The following XIRP2 variants were observed in gnomAD, a reference collection of about 807,000 sequenced individuals.
XIRP2 encodes xin actin-binding repeat-containing protein 2.
In XIRP2, 236 loss-of-function variants were observed where a neutral mutation model predicts 277.0. That is an observed-to-expected ratio of 0.85 (90% CI 0.77 to 0.95). The LOEUF (loss-of-function observed/expected upper bound fraction) is 0.95, where lower values mean the gene tolerates loss of function less well. XIRP2 is among the 40% of genes least tolerant of loss of function. The probability of loss-of-function intolerance (pLI) is 0.00; values close to 1 mark genes in which losing one functional copy is unlikely to be tolerated. For synonymous variants in XIRP2, 1,490 were observed against 1,416.5 expected (o/e 1.05, Z -1.17); for missense variants, 4,640 against 4,157.5 (o/e 1.12, Z -3.19).
rs771303910 is a variant in XIRP2, at chr2:167,243,495, A to G, written c.2103A>G (p.Leu701=). The G allele has an allele frequency of 1.2e-6, 2 of 1,614,102 alleles. No homozygotes were observed. Among genetic ancestry groups the G allele is most frequent in the Admixed American group, 1.7e-5 (1 of 60,012 alleles). Residue 701 remains leucine (L), a synonymous_variant, in exon 9 of 11, where the codon CTA becomes CTG. Transcript: ENST00000409195. The part of the protein sequence containing the change: ...TVRYMFETQH[L]DQLGQLHSVD... ...GATACATGTTTGAAACTCAACATCT[A>G]GATCAACTTGGACAGCTTCATTCAG...
intron 3 of XIRP2, among the ~76,000 whole-genome samples, chr2:167,191,900 T>A (rs1693350414): frequency 6.6e-6 from 1 of 152,214 alleles, no homozygotes; most frequent in South Asian, 2.1e-4. Context: ...TTAAAATAAA[T>A]GTAATACCAA....
intron 1 of XIRP2, among the ~76,000 whole-genome samples, chr2:166,892,823 A>G (rs1410240110): frequency 6.7e-6 from 1 of 148,856 alleles, no homozygotes; most frequent in Non-Finnish European, 1.5e-5. Flanking sequence ...ATATATATAT[A>G]TATAACTTCT....
At chr2:166,942,695 T>G (rs894500861) in intron 2 of XIRP2, among the ~76,000 whole-genome samples, 1 of 152,224 alleles carries the variant, frequency 6.6e-6, no homozygotes, top group East Asian at 1.9e-4. Context: ...TTAAAATCAT[T>G]GCTTTTAAAA....
chr2:167,169,345 G>C (rs568563296), intron 3 of XIRP2, among the ~76,000 whole-genome samples: 11 of 152,182 alleles, frequency 7.2e-5, no homozygotes, highest in Non-Finnish European at 1.6e-4. Context: ...CTATGACTGC[G>C]TGGCCCTGGG....
At chr2:167,014,404 T>C (rs754830410) in intron 2 of XIRP2, among the ~76,000 whole-genome samples, 8 of 151,890 alleles carry the variant, frequency 5.3e-5, no homozygotes, top group Admixed American at 1.3e-4. Flanking sequence ...ATCAAGAAGA[T>C]ATTGTTTCCA....
chr2:166,889,316 C>A (rs896433285), intron 1 of XIRP2, among the ~76,000 whole-genome samples: 10 of 152,186 alleles, frequency 6.6e-5, no homozygotes, highest in Non-Finnish European at 1.2e-4. Context: ...CTCCTCCACT[C>A]TCTCCCCACT....
At chr2:167,069,922 A>G (rs1689398770) in intron 2 of XIRP2, among the ~76,000 whole-genome samples, 1 of 152,058 alleles carries the variant, frequency 6.6e-6, no homozygotes. Context: ...GAGTTACCCT[A>G]TCCCACTGAA....
At chr2:167,082,507 T>C (rs973206522) in intron 2 of XIRP2, among the ~76,000 whole-genome samples, 4 of 152,118 alleles carry the variant, frequency 2.6e-5, no homozygotes, top group African/African-American at 7.2e-5. Context: ...TCTAGATCCC[T>C]GAGGAATCGC....
At chr2:167,193,699 G>A (rs1693415596) in intron 3 of XIRP2, among the ~76,000 whole-genome samples, 1 of 151,944 alleles carries the variant, frequency 6.6e-6, no homozygotes, top group African/African-American at 2.4e-5. Flanking sequence ...CTAACATGGG[G>A]AAACCCCATC....
At chr2:167,195,936 AC>A (rs1407293735) in intron 3 of XIRP2, among the ~76,000 whole-genome samples, 1 of 151,950 alleles carries the variant, frequency 6.6e-6, no homozygotes, top group Non-Finnish European at 1.5e-5. Flanking sequence ...GCTTCCATTG[AC>A]CCCCGTATCA....
chr2:167,142,563 T>TA (rs1558995052), intron 3 of XIRP2, among the ~76,000 whole-genome samples: 1 of 150,322 alleles, frequency 6.7e-6, no homozygotes, highest in Non-Finnish European at 1.5e-5. Context: ...TAATAAAAAA[T>TA]AAAAAAATAA....
chr2:167,049,872 C>A (rs534227693), intron 2 of XIRP2, among the ~76,000 whole-genome samples: 1 of 151,898 alleles, frequency 6.6e-6, no homozygotes, highest in Admixed American at 6.6e-5. Context: ...CTTCTGGGGG[C>A]CCCTAACAAA....
intron 2 of XIRP2, among the ~76,000 whole-genome samples, chr2:167,036,167 C>T (rs1350855973): frequency 2.6e-5 from 4 of 152,236 alleles, no homozygotes; most frequent in Admixed American, 6.5e-5. Context: ...AGCCCCCATA[C>T]AGAGTCCCTA....
At chr2:167,205,587 G>C (rs1693832226) in intron 3 of XIRP2, among the ~76,000 whole-genome samples, 1 of 152,020 alleles carries the variant, frequency 6.6e-6, no homozygotes, top group South Asian at 2.1e-4. Flanking sequence ...CTATGGAATG[G>C]TCTTCTATCT....
chr2:167,169,047 G>A (rs1342324018), intron 3 of XIRP2, among the ~76,000 whole-genome samples: 3 of 151,882 alleles, frequency 2.0e-5, no homozygotes, highest in African/African-American at 4.8e-5. Context: ...TTTATTCATA[G>A]TCAGACATGA....
chr2:167,156,280 G>T (rs1050547262), intron 3 of XIRP2, among the ~76,000 whole-genome samples: 7 of 152,082 alleles, frequency 4.6e-5, no homozygotes, highest in Admixed American at 4.6e-4. Flanking sequence ...AAAAGAGCCC[G>T]CATTGCCAAG....
At chr2:166,944,331 C>T in intron 2 of XIRP2, among the ~76,000 whole-genome samples, 1 of 152,164 alleles carries the variant, frequency 6.6e-6, no homozygotes, top group South Asian at 2.1e-4. Context: ...GAAAATAATT[C>T]TGCCTCCTGT....
intron 2 of XIRP2, among the ~76,000 whole-genome samples, chr2:167,082,817 C>G (rs867995682): frequency 0.014 from 2,136 of 151,828 alleles, 55 homozygotes; most frequent in African/African-American, 0.049. Context: ...AAATCTGTTT[C>G]AGTTCATTGT....
chr2:166,987,938 A>G (rs996004833), intron 2 of XIRP2, among the ~76,000 whole-genome samples: 2 of 152,348 alleles, frequency 1.3e-5, no homozygotes, highest in South Asian at 4.1e-4. Flanking sequence ...ATTCTTCCAT[A>G]AAGTACAATT....
Sources: gnomAD v4.1 joint callset for allele counts (sites outside exome capture counted in the v4.1 genomes callset) on GRCh38, gnomAD v4.1.1 for gene constraint, MANE v1.5 for transcripts, NCBI Gene and HGNC (gene_info 2026-07-23, HGNC 2026-07-21) for gene names.